AFF1: variants seen among roughly 807,000 people sequenced by gnomAD.
AFF1 encodes AF4/FMR2 family member 1.
A neutral mutation model predicts 121.7 loss-of-function variants in AFF1; 48 were observed. That is an observed-to-expected ratio of 0.39 (90% confidence interval 0.31 to 0.50). The LOEUF is 0.50. AFF1 is among the 20% of genes least tolerant of loss of function. The probability of loss-of-function intolerance (pLI) is 0.76; values close to 1 mark genes in which losing one functional copy is unlikely to be tolerated. For synonymous variants in AFF1, 613 were observed against 563.0 expected (o/e 1.09, Z -1.26); for missense variants, 1,523 against 1,511.7 (o/e 1.01, Z -0.12).
chr4:87,107,153 G>A lies in AFF1; in HGVS notation c.1377-1006G>A, dbSNP rs557826347. Among the ~76,000 whole-genome samples, 27 of 152,164 alleles carry A rather than the reference G, an allele frequency of 1.8e-4. 1 individual carries two copies. Among genetic ancestry groups the A allele is most frequent in the Admixed American group, 5.2e-4 (8 of 15,276 alleles). On this transcript the variant is annotated intron_variant, in intron 10 of 20. Transcript: ENST00000395146. Reference sequence around the variant, plus strand: ...TGTGAGGAAATTATATAGTGGTATCGTGTGTGTTTTAAAGTTACCTCAACT... The same window carrying A: ...TGTGAGGAAATTATATAGTGGTATCATGTGTGTTTTAAAGTTACCTCAACT...
chr4:87,089,657 AGTCT>A (rs1167095650), intron 5 of AFF1, among the ~76,000 whole-genome samples: 1 of 152,232 alleles, frequency 6.6e-6, no homozygotes, highest in Admixed American at 6.5e-5. Context: ...TGTCACCTAC[AGTCT>A]TCACAGCTCC....
intron 2 of AFF1, among the ~76,000 whole-genome samples, chr4:86,960,596 G>A (rs1171296438): frequency 6.6e-6 from 1 of 152,152 alleles, no homozygotes; most frequent in African/African-American, 2.4e-5. Flanking sequence ...TGATCAAAAC[G>A]TTTAACCAAA....
chr4:86,942,299 CCAA>C (rs1720522256), intron 1 of AFF1, among the ~76,000 whole-genome samples: 1 of 152,186 alleles, frequency 6.6e-6, no homozygotes, highest in Admixed American at 6.5e-5. Context: ...ACATTTTCTA[CCAA>C]TATCCATGTG....
chr4:86,978,386 A>T (rs1186921358), intron 2 of AFF1, among the ~76,000 whole-genome samples: 1 of 151,228 alleles, frequency 6.6e-6, no homozygotes, highest in East Asian at 1.9e-4. Flanking sequence ...GTTTCACCAT[A>T]TTGGTCAGGC....
intron 12 of AFF1, among the ~76,000 whole-genome samples, chr4:87,122,255 T>G (rs1420502620): frequency 1.3e-5 from 2 of 152,248 alleles, no homozygotes; most frequent in Non-Finnish European, 2.9e-5. Context: ...GGCCGTTTGG[T>G]AACAGGGTAA....
intron 16 of AFF1, among the ~76,000 whole-genome samples, chr4:87,128,646 C>G (rs1211716323): frequency 6.6e-6 from 1 of 152,202 alleles, no homozygotes; most frequent in African/African-American, 2.4e-5. Context: ...CCGCAAGATC[C>G]TGGCCTGGTG....
At chr4:86,989,396 G>A (rs1334945535) in intron 2 of AFF1, among the ~76,000 whole-genome samples, 4 of 152,186 alleles carry the variant, frequency 2.6e-5, no homozygotes, top group Admixed American at 1.3e-4. Context: ...CTCAAAAGAA[G>A]ACATTTATGC....
intron 11 of AFF1, among the ~76,000 whole-genome samples, chr4:87,111,100 C>T (rs1387662248): frequency 1.2e-5 from 1 of 85,508 alleles, no homozygotes; most frequent in African/African-American, 4.0e-5. Context: ...CTCCGCCTCC[C>T]GGGTTCACGC....
chr4:86,938,822 G>A (rs1720238683), intron 1 of AFF1, among the ~76,000 whole-genome samples: 1 of 152,236 alleles, frequency 6.6e-6, no homozygotes, highest in Non-Finnish European at 1.5e-5. Context: ...CATCAGGGTT[G>A]CTAATAGGAG....
chr4:87,117,578 G>A (rs1727253312), intron 12 of AFF1, among the ~76,000 whole-genome samples: 1 of 152,214 alleles, frequency 6.6e-6, no homozygotes. Context: ...CAGGGCCCAA[G>A]AGCATACAAA....
chr4:87,118,055 C>CT (rs1287706397), intron 12 of AFF1, among the ~76,000 whole-genome samples: 3 of 152,238 alleles, frequency 2.0e-5, no homozygotes, highest in Non-Finnish European at 4.4e-5. Context: ...AGAAAAAACT[C>CT]TGAGCATATA....
intron 2 of AFF1, among the ~76,000 whole-genome samples, chr4:86,983,819 C>T (rs1182795634): frequency 5.3e-5 from 8 of 151,904 alleles, no homozygotes; most frequent in African/African-American, 2.4e-5. Flanking sequence ...AGGTGGATCA[C>T]GAGGTCAAGA....
At chr4:87,111,930 GT>G (rs1726579749) in intron 11 of AFF1, among the ~76,000 whole-genome samples, 1 of 152,168 alleles carries the variant, frequency 6.6e-6, no homozygotes, top group African/African-American at 2.4e-5. Context: ...GTACTGTCCT[GT>G]TTTGAGGGTT....
intron 10 of AFF1, among the ~76,000 whole-genome samples, chr4:87,106,790 G>T (rs1282044640): frequency 2.0e-5 from 3 of 152,226 alleles, no homozygotes; most frequent in Non-Finnish European, 4.4e-5. Context: ...TCCACTCAGA[G>T]ACGACATTAG....
intron 5 of AFF1, among the ~76,000 whole-genome samples, 186 bp downstream of exon 5, chr4:87,084,350 A>G (rs1420760331): frequency 6.6e-6 from 1 of 151,946 alleles, no homozygotes; most frequent in Non-Finnish European, 1.5e-5. Flanking sequence ...ACCAGCCTGG[A>G]CAACATAGCA....
chr4:87,126,216 C>G lies in AFF1; in HGVS notation c.2691C>G (p.Asp897Glu). Residue 897 changes from aspartate to glutamate, a missense_variant, in exon 14 of 21, where the codon GAC (aspartate) becomes GAG (glutamate). Asp to Glu is a conservative substitution (Grantham distance 45). Transcript: ENST00000395146. The part of the protein sequence containing the change: ...PALKRSRREA[D>E]TCGQDPPKSA... ...TTAAGAGGTCAAGGCGGGAAGCAGA[C>G]ACCTGTGGCCAGGACCCTCCCAAAA... 3.1e-6 allele frequency: 5 copies of G among 1,614,114 alleles called. No individual in the cohort carries two copies. Among genetic ancestry groups the G allele is most frequent in the Non-Finnish European group, 4.2e-6 (5 of 1,180,028 alleles).
At chr4:87,117,045 G>A (rs1727197101) in intron 12 of AFF1, among the ~76,000 whole-genome samples, 1 of 152,168 alleles carries the variant, frequency 6.6e-6, no homozygotes, top group South Asian at 2.1e-4. Flanking sequence ...ATTAGCTGGA[G>A]TGGGGACAGG....
intron 4 of AFF1, among the ~76,000 whole-genome samples, chr4:87,055,319 T>A (rs1271297594): frequency 2.6e-5 from 4 of 152,248 alleles, no homozygotes; most frequent in African/African-American, 9.6e-5. Flanking sequence ...TTGCTTATAG[T>A]AGCCCAAGAG....
chr4:86,969,892 A>G (rs1171840358), intron 2 of AFF1, among the ~76,000 whole-genome samples: 3 of 150,158 alleles, frequency 2.0e-5, no homozygotes, highest in African/African-American at 7.3e-5. Flanking sequence ...AAAAAAAAAA[A>G]AAAAAGGTAA....
Sources: gnomAD v4.1 joint callset for allele counts (sites outside exome capture counted in the v4.1 genomes callset) on GRCh38, gnomAD v4.1.1 for gene constraint, MANE v1.5 for transcripts, NCBI Gene and HGNC (gene_info 2026-07-23, HGNC 2026-07-21) for gene names.